Variants in DTNB observed in about 807,000 individuals in gnomAD.
The protein encoded by DTNB is dystrobrevin beta, also known as DTN-B.
Under a neutral mutation model 90.7 loss-of-function variants are expected in DTNB, and 63 were observed. The ratio of observed to expected loss-of-function variants is 0.69; its 90% CI spans 0.57 to 0.86. The LOEUF (loss-of-function observed/expected upper bound fraction) is 0.86, where lower values mean the gene tolerates loss of function less well. DTNB is among the 40% of genes least tolerant of loss of function. The pLI is 0.00. For missense variants in DTNB, 744 were observed against 807.1 expected (o/e 0.92, Z 0.95); for synonymous variants, 277 against 286.7 (o/e 0.97, Z 0.34).
At chr2:25,434,562 C>A (rs910112076) in intron 12 of DTNB, among the ~76,000 whole-genome samples, 1 of 151,952 alleles carries the variant, frequency 6.6e-6, no homozygotes, top group African/African-American at 2.4e-5. Flanking sequence ...CCGTGCCTGG[C>A]CTAGTAGTCC....
intron 9 of DTNB, among the ~76,000 whole-genome samples, chr2:25,508,440 C>T (rs115778311): frequency 6.6e-6 from 1 of 151,514 alleles, no homozygotes; most frequent in South Asian, 2.1e-4. Flanking sequence ...CACTGGCCTT[C>T]CAATTTATAA....
chr2:25,523,556 G>A lies in DTNB; in HGVS notation c.1001+7917C>T, dbSNP rs1240491927. 2.7e-5 allele frequency among the ~76,000 whole-genome samples: 4 copies of A among 150,832 alleles called. 1 individual carries two copies. On this transcript the variant is annotated intron_variant, in intron 9 of 20. Transcript: ENST00000406818. ...CTCAGGAGGCTGAGGCATGAGAATT[G>A]CATGAGCCTGGGAAGCGGAGGTTGC...
intron 13 of DTNB, 97 bp from the exon 14 acceptor site, chr2:25,433,096 T>C (rs1419750759): frequency 4.2e-6 from 5 of 1,200,496 alleles, no homozygotes; most frequent in South Asian, 1.6e-5. Context: ...CAGTGCCTCC[T>C]CTACCAATCT....
intron 8 of DTNB, among the ~76,000 whole-genome samples, chr2:25,559,903 A>G (rs1487178137): frequency 6.6e-6 from 1 of 152,246 alleles, no homozygotes; most frequent in African/African-American, 2.4e-5. Flanking sequence ...AAGAACGCCA[A>G]CTGCAGCTAG....
intron 8 of DTNB, among the ~76,000 whole-genome samples, chr2:25,573,080 G>C (rs1467804992): frequency 6.6e-6 from 1 of 152,042 alleles, no homozygotes; most frequent in African/African-American, 2.4e-5. Flanking sequence ...CAAGTAGCTG[G>C]GATTACAGGC....
chr2:25,565,390 C>A (rs1329214180), intron 8 of DTNB, among the ~76,000 whole-genome samples: 1 of 152,170 alleles, frequency 6.6e-6, no homozygotes, highest in Non-Finnish European at 1.5e-5. Context: ...GTGTACACCA[C>A]CAAGCCCAGC....
At chr2:25,643,034 G>T (rs1031551340) in intron 2 of DTNB, among the ~76,000 whole-genome samples, 9 of 152,214 alleles carry the variant, frequency 5.9e-5, no homozygotes, top group African/African-American at 2.2e-4. Context: ...GATTACAGGT[G>T]TGAGCCACCG....
chr2:25,541,248 G>A (rs994171118), intron 8 of DTNB, among the ~76,000 whole-genome samples: 1 of 152,098 alleles, frequency 6.6e-6, no homozygotes, highest in African/African-American at 2.4e-5. Flanking sequence ...GGAGGCAGAG[G>A]TGGGTGGATC....
intron 4 of DTNB, among the ~76,000 whole-genome samples, chr2:25,626,287 G>A (rs1246611959): frequency 3.9e-5 from 6 of 152,140 alleles, no homozygotes; most frequent in African/African-American, 1.2e-4. Context: ...TTTACTGAGT[G>A]AGTCAGTGTC....
chr2:25,593,392 G>C (rs1035917382), intron 6 of DTNB, among the ~76,000 whole-genome samples: 1 of 152,160 alleles, frequency 6.6e-6, no homozygotes, highest in African/African-American at 2.4e-5. Context: ...TTTTCAAAAA[G>C]AAACGCAAAA....
chr2:25,394,107 C>T (rs2041836932), intron 16 of DTNB, among the ~76,000 whole-genome samples: 1 of 152,268 alleles, frequency 6.6e-6, no homozygotes, highest in East Asian at 1.9e-4. Flanking sequence ...TTACACCCAA[C>T]TGATCTTTGA....
intron 18 of DTNB, among the ~76,000 whole-genome samples, chr2:25,385,386 T>C (rs1003033071): frequency 6.6e-6 from 1 of 152,204 alleles, no homozygotes; most frequent in Non-Finnish European, 1.5e-5. Flanking sequence ...AGCTATTCCA[T>C]TCACTGAGAA....
At chr2:25,590,045 T>C (rs1280471365) in intron 6 of DTNB, among the ~76,000 whole-genome samples, 4 of 152,214 alleles carry the variant, frequency 2.6e-5, no homozygotes, top group Non-Finnish European at 5.9e-5. Flanking sequence ...GAGGTTGCAC[T>C]GGACCAGGCA....
rs73922409 is a variant in DTNB at position 25,505,196 on chromosome 2, C to G, written c.1002-22323G>C. On this transcript the variant is annotated intron_variant, in intron 9 of 20. Coordinates refer to ENST00000406818, the MANE Select transcript of DTNB (RefSeq NM_021907.5). The stretch of plus-strand genomic sequence containing the variant: ...ACTGCTATGAGCTCACTCCACACCC[C>G]ACCTGTCTGCATTGGAGTACCCCAG... Among the ~76,000 whole-genome samples, 831 of 152,312 alleles carry G rather than the reference C, an allele frequency of 5.5e-3. 6 individuals are homozygous for G. The highest frequency in any genetic ancestry group is 0.019 in the African/African-American group (789 of 41,568).
intron 4 of DTNB, among the ~76,000 whole-genome samples, chr2:25,608,078 G>A (rs561569433): frequency 6.6e-6 from 1 of 152,310 alleles, no homozygotes; most frequent in South Asian, 2.1e-4. Flanking sequence ...TGGTTTCACA[G>A]CAGATAAAAA....
At position 25,473,704 on chromosome 2, in the gene DTNB, A is replaced by G. The variant is rs995600714; in HGVS notation, c.1079+9092T>C. Among the ~76,000 whole-genome samples, 5 of 152,200 alleles carry G rather than the reference A, an allele frequency of 3.3e-5. 1 individual carries two copies. The highest frequency in any genetic ancestry group is 9.7e-5 in the African/African-American group (4 of 41,448). On this transcript the variant is annotated intron_variant, in intron 10 of 20. Coordinates refer to ENST00000406818, the MANE Select transcript of DTNB (RefSeq NM_021907.5). The stretch of plus-strand genomic sequence containing the variant: ...GACAAAAACGATGGTCTGGTTCCCA[A>G]CCTTGTTCTTCTGGCACAAATCTTC...
At chr2:25,646,445 C>G (rs529157260) in intron 2 of DTNB, among the ~76,000 whole-genome samples, 72 of 152,000 alleles carry the variant, frequency 4.7e-4, no homozygotes, top group African/African-American at 1.7e-3. Context: ...GCACTCCAGC[C>G]TGGGTGACAG....
chr2:25,410,758 A>G (rs956276257), intron 16 of DTNB, among the ~76,000 whole-genome samples: 2 of 152,126 alleles, frequency 1.3e-5, no homozygotes, highest in African/African-American at 4.8e-5. Context: ...CATTAGCTTC[A>G]TGTTCCTGGA....
chr2:25,665,271 G>C (rs1221326644), intron 1 of DTNB, among the ~76,000 whole-genome samples: 1 of 152,116 alleles, frequency 6.6e-6, no homozygotes, highest in East Asian at 1.9e-4. Flanking sequence ...AATTTCTTAT[G>C]TAAGTTCACC....
Sources: allele counts gnomAD v4.1 joint callset (sites outside exome capture counted in the v4.1 genomes callset), GRCh38; gene constraint gnomAD v4.1.1; transcripts MANE v1.5; gene names NCBI Gene and HGNC (gene_info 2026-07-23, HGNC 2026-07-21).